Variants in SEMA5B observed in about 807,000 individuals in gnomAD.
The protein encoded by SEMA5B is semaphorin-5B.
In SEMA5B, 66 loss-of-function variants were observed where a neutral mutation model predicts 135.0. The ratio of observed to expected loss-of-function variants is 0.49; its 90% confidence interval spans 0.40 to 0.60. SEMA5B has a LOEUF of 0.60. Among genes scored for constraint, SEMA5B ranks in the 20% least tolerant of loss-of-function variants. The pLI, the probability that SEMA5B is intolerant of heterozygous loss-of-function variation, is 0.00. For synonymous variants in SEMA5B, 690 were observed against 639.5 expected (o/e 1.08, Z -1.19); for missense variants, 1,501 against 1,566.3 (o/e 0.96, Z 0.70).
At position 122,974,557 on chromosome 3, in the gene SEMA5B, G is replaced by T. The variant is rs533145420; in HGVS notation, c.-38-13256C>A. 3.5e-4 allele frequency among the ~76,000 whole-genome samples: 53 copies of T among 152,316 alleles called. 1 individual carries two copies. In the South Asian group the frequency reaches 0.011, roughly 31 times the overall value. Reference sequence around the variant, plus strand: ...GTTGGGGAGAGTGAGGCAGGGACACGTGCCTGAGGACTTCTCAGGTGGATG... The same window carrying T: ...GTTGGGGAGAGTGAGGCAGGGACACTTGCCTGAGGACTTCTCAGGTGGATG... On this transcript the variant is annotated intron_variant, in intron 1 of 22. Transcript: ENST00000357599.
intron 2 of SEMA5B, among the ~76,000 whole-genome samples, chr3:122,953,363 T>C (rs969548913): frequency 3.3e-5 from 5 of 152,336 alleles, no homozygotes; most frequent in African/African-American, 9.6e-5. Flanking sequence ...GAGCATATCC[T>C]GGGCCTCTTC....
At chr3:122,911,560 T>C (rs745755738) in intron 20 of SEMA5B, 25 bp from the exon 21 acceptor site, 20 of 1,604,712 alleles carry the variant, frequency 1.2e-5, no homozygotes, top group Non-Finnish European at 1.7e-5. Context: ...GTGGACAGGG[T>C]GTCAGGGGCG....
rs13094003 is a variant in SEMA5B at position 122,961,294 on chromosome 3, A to G, written c.-31T>C. The G allele has an allele frequency of 0.23, 363,511 of 1,612,324 alleles. 42,009 individuals carry two copies. Among genetic ancestry groups the G allele is most frequent in the East Asian group, 0.39 (17,515 of 44,830 alleles). ...AGACACAGGCCAGGCACCAGCTGGA[A>G]CCACTCACTGAAGGGGGAGAATTTT... On this transcript the variant is annotated 5_prime_UTR_variant, in exon 2 of 23. Coordinates refer to ENST00000357599, the MANE Select transcript of SEMA5B (RefSeq NM_001031702.4).
chr3:122,924,312 G>C (rs901374863), intron 9 of SEMA5B, among the ~76,000 whole-genome samples: 1 of 152,156 alleles, frequency 6.6e-6, no homozygotes, highest in Non-Finnish European at 1.5e-5. Context: ...AGCTCACAGA[G>C]AGGAAACCAC....
rs1307743933 is a variant in SEMA5B at position 122,913,061 on chromosome 3, G to A, written c.2507C>T (p.Ala836Val). Residue 836 changes from alanine to valine, a missense_variant and splice_region_variant, in exon 18 of 23, where the codon GCC (alanine) becomes GTC (valine). Around this residue, in one of 2 missense-constraint regions of SEMA5B, gnomAD observed 927 missense variants for 881.6 expected, o/e 1.05. Coordinates refer to ENST00000357599, the MANE Select transcript of SEMA5B (RefSeq NM_001031702.4). Reference sequence around the variant, plus strand: ...GCTGCGCAGGAGGACCTCCACCAGGGCTGCGGAGGGGCTAGGCCTCAGCGA... The same window carrying A: ...GCTGCGCAGGAGGACCTCCACCAGGACTGCGGAGGGGCTAGGCCTCAGCGA... ...ADGSGSCDTD[A>V]LVEVLLRSGS... 14 of 1,505,900 alleles carry A rather than the reference G, an allele frequency of 9.3e-6. No individual in the cohort carries two copies. Among genetic ancestry groups the A allele is most frequent in the African/African-American group, 1.4e-5 (1 of 71,678 alleles). The allele number at this position is 1,505,900 out of a possible 1,614,324, so 93.3% of individuals were successfully genotyped here.
chr3:122,983,983 A>C (rs1476093793), intron 1 of SEMA5B, among the ~76,000 whole-genome samples: 1 of 152,178 alleles, frequency 6.6e-6, no homozygotes, highest in Non-Finnish European at 1.5e-5. Flanking sequence ...GGTCATTCCG[A>C]GAGTTTGGCT....
intron 12 of SEMA5B, among the ~76,000 whole-genome samples, chr3:122,919,038 C>T (rs1576333292): frequency 1.4e-5 from 2 of 144,798 alleles, no homozygotes; most frequent in Admixed American, 1.4e-4. Context: ...TCTCAAGCAG[C>T]CATTACAAAA....
chr3:122,986,269 A>G (rs559664232), intron 1 of SEMA5B, among the ~76,000 whole-genome samples: 1 of 152,336 alleles, frequency 6.6e-6, no homozygotes, highest in East Asian at 1.9e-4. Flanking sequence ...TGCTTTGATA[A>G]TGGGAAACTT....
rs1237982928 is a variant in SEMA5B at position 122,913,904 on chromosome 3, G to T, written c.2086C>A (p.Pro696Thr). 6.2e-7 allele frequency: 1 copy of T among 1,612,860 alleles called. No homozygotes were observed. The highest frequency in any genetic ancestry group is 8.5e-7 in the Non-Finnish European group (1 of 1,179,798). ...ACGCAGATGCGGCCCCCGTGGCGGG[G>T]AGCAGGGTTGCTGCAACTTCGCTGG... Reference protein sequence around the residue: ...VRQRSCSNPAPRHGGRICVGK... With the variant: ...VRQRSCSNPATRHGGRICVGK... Residue 696 changes from proline (P) to threonine (T), a missense_variant, in exon 15 of 23, where the codon CCC becomes ACC. Around this residue, in one of 2 missense-constraint regions of SEMA5B, gnomAD observed 927 missense variants for 881.6 expected, o/e 1.05. Coordinates refer to ENST00000357599, the MANE Select transcript of SEMA5B (RefSeq NM_001031702.4).
intron 1 of SEMA5B, among the ~76,000 whole-genome samples, chr3:122,974,924 C>T (rs1210263384): frequency 6.6e-6 from 1 of 152,166 alleles, no homozygotes; most frequent in Non-Finnish European, 1.5e-5. Flanking sequence ...GGCCCAGCCC[C>T]CACCCCCAGC....
chr3:122,973,340 A>G (rs926545302), intron 1 of SEMA5B, among the ~76,000 whole-genome samples: 4 of 152,224 alleles, frequency 2.6e-5, no homozygotes, highest in Non-Finnish European at 5.9e-5. Flanking sequence ...CCCAGAGGAC[A>G]TAAGCTAGTC....
At chr3:122,975,119 G>A (rs770702395) in intron 1 of SEMA5B, 3 of 152,308 alleles carry the variant, frequency 2.0e-5, no homozygotes, top group Non-Finnish European at 4.4e-5. Flanking sequence ...ACTTAGTCAA[G>A]TGCTCACAGG....
chr3:123,023,845 C>G lies in SEMA5B; in HGVS notation c.-39+3619G>C, dbSNP rs112383584. Reference sequence around the variant, plus strand: ...GTTGTTTACTGTTGTATCCATGGCTCCTAGAACAGTGCCTGGCACATAGTA... The same window carrying G: ...GTTGTTTACTGTTGTATCCATGGCTGCTAGAACAGTGCCTGGCACATAGTA... On this transcript the variant is annotated intron_variant, in intron 1 of 22. Transcript: ENST00000357599. 7.9e-3 allele frequency among the ~76,000 whole-genome samples: 1,201 copies of G among 152,290 alleles called. 15 individuals are homozygous for G. Among genetic ancestry groups the G allele is most frequent in the African/African-American group, 0.027 (1,104 of 41,554 alleles).
chr3:122,997,519 C>CTCCCCCG (rs974910795), intron 1 of SEMA5B, among the ~76,000 whole-genome samples: 2 of 129,874 alleles, frequency 1.5e-5, no homozygotes, highest in Non-Finnish European at 3.3e-5. Flanking sequence ...CCAGGCCTCT[C>CTCCCCCG]CCCCCCCCGT....
In SEMA5B at chr3:122,972,617, T is replaced by C. The variant is rs547933057; in HGVS notation, c.-38-11316A>G. Among the ~76,000 whole-genome samples, 207 of 152,348 alleles carry C rather than the reference T, an allele frequency of 1.4e-3. 1 individual carries two copies. Among genetic ancestry groups the C allele is most frequent in the African/African-American group, 4.6e-3 (192 of 41,592 alleles). On this transcript the variant is annotated intron_variant, in intron 1 of 22. Coordinates refer to ENST00000357599, the MANE Select transcript of SEMA5B (RefSeq NM_001031702.4). Reference sequence around the variant, plus strand: ...CCCACAGATGTAACTGGGCCAGCACTGGGGAGAGAGACCCCCACCTGAGTC... The same window carrying C: ...CCCACAGATGTAACTGGGCCAGCACCGGGGAGAGAGACCCCCACCTGAGTC...
intron 2 of SEMA5B, among the ~76,000 whole-genome samples, chr3:122,959,475 C>G (rs368404759): frequency 6.6e-6 from 1 of 152,098 alleles, no homozygotes; most frequent in Admixed American, 6.5e-5. Context: ...TTGCAGATGG[C>G]GAAAATCTCA....
chr3:122,966,566 A>ATTTTTT (rs1553778673), intron 1 of SEMA5B, among the ~76,000 whole-genome samples: 4 of 115,888 alleles, frequency 3.5e-5, no homozygotes, highest in African/African-American at 1.3e-4. Flanking sequence ...TATTATTATT[A>ATTTTTT]TTTTTTGAGA....
chr3:122,909,320 C>T lies in SEMA5B; in HGVS notation c.*823G>A, dbSNP rs944412073. 6.6e-6 allele frequency: 1 copy of T among 152,582 alleles called. No individual in the cohort carries two copies. The highest frequency in any genetic ancestry group is 1.5e-5 in the Non-Finnish European group (1 of 68,058). The allele number at this position is 152,582 out of a possible 1,614,324, so 9.5% of individuals were successfully genotyped here. A position where few individuals can be genotyped will look rare whatever the true frequency, so the allele number is the denominator to read the frequency against. On this transcript the variant is annotated 3_prime_UTR_variant, in exon 23 of 23. Transcript: ENST00000357599. ...GTGTGTTCCTGAACAGATGAAGGGC[C>T]AGCAGAGACTCCCAAGCAGGTCTCA...
intron 1 of SEMA5B, among the ~76,000 whole-genome samples, chr3:122,978,355 C>T (rs1398020875): frequency 6.6e-6 from 1 of 152,202 alleles, no homozygotes; most frequent in Non-Finnish European, 1.5e-5. Context: ...GCGAGCAGCT[C>T]AATGTTCACA....
Sources: gnomAD v4.1 joint callset for allele counts (sites outside exome capture counted in the v4.1 genomes callset) on GRCh38, gnomAD v4.1.1 for gene constraint, gnomAD v4.1.1 regional missense constraint, MANE v1.5 for transcripts, NCBI Gene and HGNC (gene_info 2026-07-23, HGNC 2026-07-21) for gene names.